The following NLRP11 variants were observed in gnomAD, a reference collection of about 807,000 sequenced individuals.
NLRP11 encodes the protein NLR family pyrin domain containing 11.
Under a neutral mutation model 79.3 loss-of-function variants are expected in NLRP11, and 53 were observed. That is an observed-to-expected ratio of 0.67 (90% CI 0.54 to 0.84). The LOEUF (loss-of-function observed/expected upper bound fraction) is 0.84, where lower values mean the gene tolerates loss of function less well. Ranked by LOEUF, NLRP11 falls within the 40% of genes least tolerant of loss-of-function variation. The pLI, the probability that NLRP11 is intolerant of heterozygous loss-of-function variation, is 0.00. For missense variants in NLRP11, 1,264 were observed against 1,255.0 expected (o/e 1.01, Z -0.11); for synonymous variants, 518 against 462.6 (o/e 1.12, Z -1.54).
chr19:55,792,537 C>A (rs1978374420), intron 6 of NLRP11, 66 bp from the exon 7 acceptor site: 1 of 1,311,488 alleles, frequency 7.6e-7, no homozygotes, highest in African/African-American at 1.5e-5. Flanking sequence ...CTGAGACCAC[C>A]CACCCCACGC....
chr19:55,835,960 C>G (rs193220290), upstream of NLRP11, among the ~76,000 whole-genome samples: 308 of 152,346 alleles, frequency 2.0e-3, no homozygotes, highest in African/African-American at 6.8e-3. Flanking sequence ...CCCGTCTCTA[C>G]TGAAAATACA....
At chr19:55,795,527 T>G (rs914913091) in intron 6 of NLRP11, among the ~76,000 whole-genome samples, 4 of 152,010 alleles carry the variant, frequency 2.6e-5, no homozygotes, top group African/African-American at 9.7e-5. Context: ...CCTCGCTCTG[T>G]CACCCAGGCT....
chr19:55,818,363 T>G (rs1400548770), intron 1 of NLRP11, 127 bp from the exon 2 acceptor site: 1 of 585,214 alleles, frequency 1.7e-6, no homozygotes, highest in East Asian at 2.9e-5. Context: ...ACGATAAGTC[T>G]GAACTCTTTC....
At chr19:55,829,662 A>G (rs1261803043) in intron 1 of NLRP11, among the ~76,000 whole-genome samples, 46 of 143,438 alleles carry the variant, frequency 3.2e-4, no homozygotes, top group African/African-American at 1.2e-3. Context: ...CCGTCTCAAA[A>G]AAAAAAAAAA....
At chr19:55,831,202 A>C (rs956955264) in intron 1 of NLRP11, among the ~76,000 whole-genome samples, 16 of 147,840 alleles carry the variant, frequency 1.1e-4, no homozygotes, top group African/African-American at 3.7e-4. Flanking sequence ...GCAGGAAGGG[A>C]GGTCAAACCT....
At chr19:55,816,748 T>C (rs1395255137) in intron 2 of NLRP11, among the ~76,000 whole-genome samples, 1 of 152,232 alleles carries the variant, frequency 6.6e-6, no homozygotes, top group African/African-American at 2.4e-5. Context: ...CAGAGCTCTC[T>C]GCTGGGAAAT....
intron 8 of NLRP11, 99 bp downstream of exon 8, chr19:55,789,127 CTAT>C (rs1382123655): frequency 2.9e-6 from 4 of 1,401,298 alleles, no homozygotes; most frequent in Non-Finnish European, 3.9e-6. Context: ...AAACACTAGA[CTAT>C]TATGTCCGAG....
At chr19:55,816,531 T>A (rs557906809) in intron 2 of NLRP11, among the ~76,000 whole-genome samples, 210 of 152,260 alleles carry the variant, frequency 1.4e-3, no homozygotes, top group African/African-American at 4.8e-3. Context: ...TTATCTATTT[T>A]AGAGATGTTC....
At chr19:55,821,205 TCACACACACACA>T (rs950312294) in intron 1 of NLRP11, among the ~76,000 whole-genome samples, 11 of 85,220 alleles carry the variant, frequency 1.3e-4, no homozygotes, top group Non-Finnish European at 2.5e-4. Context: ...TCTCTCTCTC[TCACACACACACA>T]CACACACACA....
intron 5 of NLRP11, among the ~76,000 whole-genome samples, chr19:55,797,081 T>TAC (rs1174432954): frequency 2.6e-5 from 4 of 152,226 alleles, no homozygotes. Context: ...TAGTGTCTAG[T>TAC]ACCCTTATCT....
intron 4 of NLRP11, among the ~76,000 whole-genome samples, chr19:55,803,743 C>G (rs897222439): frequency 1.3e-5 from 2 of 152,096 alleles, no homozygotes; most frequent in Admixed American, 1.3e-4. Context: ...ATCAAAACCA[C>G]GAGATACCAT....
exon 3 of NLRP11, chr19:55,810,200 T>C (rs1482372622): frequency 6.2e-7 from 1 of 1,614,128 alleles, no homozygotes; most frequent in South Asian, 1.1e-5. Context: ...GCTGGTAGAA[T>C]CATAGGCTAA....
chr19:55,818,032 G>C, exon 2 of NLRP11: 2 of 1,614,070 alleles, frequency 1.2e-6, no homozygotes, highest in Non-Finnish European at 1.7e-6. Context: ...TTCTTCTTTT[G>C]TCATCTGTAT....
chr19:55,788,919 T>C lies in NLRP11; in HGVS notation c.2743A>G (p.Thr915Ala), dbSNP rs1014308335. The change falls in exon 9 of 10, where the codon ACC becomes GCC. Residue 915 changes from threonine to alanine, a missense_variant. Thr to Ala is a moderately conservative substitution (Grantham distance 58, BLOSUM62 0). Coordinates refer to ENST00000589093, the Ensembl canonical transcript of NLRP11. Reference sequence around the variant, plus strand: ...TTGAGTCTTTCTAGTGTTTTGTTGGTGGTAAGAACAGAGGCAAGAGATCGA... The same window carrying C: ...TTGAGTCTTTCTAGTGTTTTGTTGGCGGTAAGAACAGAGGCAAGAGATCGA... The C allele has an allele frequency of 1.9e-6, 3 of 1,613,822 alleles. No individual in the cohort carries two copies. In the African/African-American group the frequency reaches 4.0e-5, roughly 22 times the overall value.
intron 4 of NLRP11, among the ~76,000 whole-genome samples, chr19:55,802,656 G>T (rs1348040732): frequency 6.6e-6 from 1 of 151,996 alleles, no homozygotes. Flanking sequence ...GAAACTAGAA[G>T]AACTATTTAA....
chr19:55,796,228 C>G, exon 6 of NLRP11: 1 of 1,613,258 alleles, frequency 6.2e-7, no homozygotes, highest in Non-Finnish European at 8.5e-7. Context: ...CATTCGCTGG[C>G]TCGCAAATCA....
exon 3 of NLRP11, chr19:55,810,150 C>T (rs550584232): frequency 1.9e-6 from 3 of 1,613,758 alleles, no homozygotes; most frequent in Non-Finnish European, 2.5e-6. Flanking sequence ...GATGCTCTCT[C>T]TCCCATCAGG....
At chr19:55,785,548 G>C in exon 10 of NLRP11, 1 of 1,146,266 alleles carries the variant, frequency 8.7e-7, no homozygotes, top group Non-Finnish European at 1.2e-6. Context: ...CATCAAATAG[G>C]AAAATTATAG....
At chr19:55,834,297 A>G (rs555945324), upstream of NLRP11, among the ~76,000 whole-genome samples, 2 of 152,266 alleles carry the variant, frequency 1.3e-5, no homozygotes, top group East Asian at 3.9e-4. Context: ...CTTCATGCAA[A>G]TAAAAACAGA....
Sources: allele counts gnomAD v4.1 joint callset (sites outside exome capture counted in the v4.1 genomes callset), GRCh38; gene constraint gnomAD v4.1.1; transcripts MANE v1.5; gene names NCBI Gene and HGNC (gene_info 2026-07-23, HGNC 2026-07-21).